Variants in VPS51 observed in about 807,000 individuals in gnomAD.
The protein encoded by VPS51 is vacuolar protein sorting-associated protein 51 homolog.
A neutral mutation model predicts 65.1 loss-of-function variants in VPS51; 55 were observed. The observed-to-expected ratio is 0.84, with a 90% confidence interval of 0.68 to 1.06. The LOEUF (loss-of-function observed/expected upper bound fraction) is 1.06. VPS51 is among the 50% of genes least tolerant of loss of function. The pLI, the probability that VPS51 is intolerant of heterozygous loss-of-function variation, is 0.00. For synonymous variants in VPS51, 473 were observed against 489.5 expected, an observed-to-expected ratio of 0.97 and a Z score of 0.44; for missense variants, 943 against 1,101.6, an observed-to-expected ratio of 0.86 and a Z score of 2.04.
In VPS51 at chr11:65,096,355, G is replaced by T; in HGVS notation, c.105G>T (p.Gly35=). The part of the protein sequence containing the change: ...EAPERRRKAH[G]MLKLYYGLSE... ...CGGAGCGTCGGCGGAAGGCGCACGG[G>T]ATGCTGAAGCTTTACTACGGCCTCT... Residue 35 remains glycine (G), a synonymous_variant, in exon 1 of 10, where the codon GGG becomes GGT. Coordinates refer to ENST00000279281, the MANE Select transcript of VPS51 (RefSeq NM_013265.4). 1 of 1,532,068 alleles carries T rather than the reference G, an allele frequency of 6.5e-7. No homozygotes were observed. 94.9% of individuals were successfully genotyped at this position (1,532,068 alleles called of 1,614,324 possible). A position where few individuals can be genotyped will look rare whatever the true frequency, so the allele number is the denominator to read the frequency against.
At chr11:65,110,901 C>T in intron 9 of VPS51, 120 bp downstream of exon 9, 1 of 1,212,002 alleles carries the variant, frequency 8.3e-7, no homozygotes, top group Non-Finnish European at 1.2e-6. Context: ...CCCTGACCCT[C>T]CAGTCTCTGT....
At chr11:65,096,500 G>A (rs776030997) in intron 1 of VPS51, 22 bp downstream of exon 1, 1 of 1,254,210 alleles carries the variant, frequency 8.0e-7, no homozygotes, top group Non-Finnish European at 1.1e-6. Context: ...CGGGGAGTGG[G>A]GGGGTGCGGG....
At chr11:65,097,203 G>C in intron 2 of VPS51, 76 bp downstream of exon 2, 2 of 1,587,090 alleles carry the variant, frequency 1.3e-6, no homozygotes, top group Non-Finnish European at 1.7e-6. Context: ...AACCAGCAAG[G>C]GATTTAGAGG....
In VPS51 at chr11:65,107,903, C is replaced by T; in HGVS notation, c.606C>T (p.Tyr202=). 6.4e-7 allele frequency: 1 copy of T among 1,552,120 alleles called. No individual in the cohort carries two copies. Among genetic ancestry groups the T allele is most frequent in the African/African-American group, 1.4e-5 (1 of 73,296 alleles). ...GCGCCTATGGGCAGGCGGTGCGCTA[C>T]CAGGGCCGCGCGCAGGCCGTGCTGC... is the stretch of plus-strand genomic sequence containing the variant. ...ELGAYGQAVR[Y]QGRAQAVLQQ... Residue 202 remains tyrosine, a synonymous_variant, in exon 4 of 10, where the codon TAC becomes TAT. Coordinates refer to ENST00000279281, the MANE Select transcript of VPS51 (RefSeq NM_013265.4). This position sits in a 1 kb window ranked among gnomAD's most constrained non-coding sequence, Gnocchi z 4.0.
At position 65,102,699 on chromosome 11, in the gene VPS51, T is replaced by A. The variant is rs1009007666; in HGVS notation, c.359-4882T>A. ...ATTCACTGGGTGAAGACCAAATGCC[T>A]CATCAACTGCCAAGCCTCTGTCTGT... On this transcript the variant is annotated intron_variant, in intron 2 of 9. Transcript: ENST00000279281. 1.8e-4 allele frequency among the ~76,000 whole-genome samples: 28 copies of A among 152,218 alleles called. 1 individual carries two copies. The highest frequency in any genetic ancestry group is 4.1e-4 in the Non-Finnish European group (28 of 68,030).
chr11:65,099,389 A>G (rs1947793094), intron 2 of VPS51, among the ~76,000 whole-genome samples: 1 of 152,196 alleles, frequency 6.6e-6, no homozygotes, highest in Non-Finnish European at 1.5e-5. Context: ...CAGTTTAACT[A>G]GAAACCTTCC....
chr11:65,109,412 C>T lies in VPS51; in HGVS notation c.1576C>T (p.Leu526=). ...TGCCACACCACCTGCCCTGCTCCTG[C>T]TGCTCTCCCGCCTCTGCCTGGACTA... The part of the protein sequence containing the change: ...GGATPPALLL[L]LSRLCLDYET... Residue 526 remains leucine, a synonymous_variant, in exon 6 of 10, where the codon CTG becomes TTG. Coordinates refer to ENST00000279281, the MANE Select transcript of VPS51 (RefSeq NM_013265.4). 1 of 1,611,122 alleles carries T rather than the reference C, an allele frequency of 6.2e-7. No homozygotes were observed. The highest frequency in any genetic ancestry group is 8.5e-7 in the Non-Finnish European group (1 of 1,180,008).
chr11:65,110,657 C>T (rs768574303), intron 8 of VPS51, 37 bp from the exon 9 acceptor site: 2 of 1,614,152 alleles, frequency 1.2e-6, no homozygotes, highest in Non-Finnish European at 1.7e-6. Flanking sequence ...GGCGAGGGTG[C>T]AGGGCGGGCT....
intron 9 of VPS51, 163 bp downstream of exon 9, chr11:65,110,944 C>T (rs1267325248): frequency 6.3e-6 from 5 of 795,272 alleles, no homozygotes; most frequent in East Asian, 2.6e-5. Flanking sequence ...TACAGAGTGC[C>T]CTGCCTCCAA....
In VPS51 at chr11:65,109,500, A is replaced by T; in HGVS notation, c.1659+5A>T. 2 of 1,604,856 alleles carry T rather than the reference A, an allele frequency of 1.2e-6. No homozygotes were observed. The highest frequency in any genetic ancestry group is 1.7e-6 in the Non-Finnish European group (2 of 1,179,906). Reference sequence around the variant, plus strand: ...GATGAACAGTTTCTGGTGCAGGTGAAGCACTAGCTCCTAGCCGGGCAGGGA... The same window carrying T: ...GATGAACAGTTTCTGGTGCAGGTGATGCACTAGCTCCTAGCCGGGCAGGGA... On this transcript the variant is annotated splice_donor_5th_base_variant and intron_variant, in intron 6 of 9. Coordinates refer to ENST00000279281, the MANE Select transcript of VPS51 (RefSeq NM_013265.4).
At chr11:65,099,370 G>A (rs1395069889) in intron 2 of VPS51, among the ~76,000 whole-genome samples, 1 of 152,192 alleles carries the variant, frequency 6.6e-6, no homozygotes, top group Non-Finnish European at 1.5e-5. Flanking sequence ...CAGGCAGATA[G>A]TAGATGTGCA....
intron 2 of VPS51, among the ~76,000 whole-genome samples, chr11:65,103,276 C>A (rs1440793666): frequency 6.6e-6 from 1 of 152,136 alleles, no homozygotes; most frequent in Non-Finnish European, 1.5e-5. Context: ...TTATGATTTC[C>A]CCAACAAAAT....
rs758151868 is a variant in VPS51 at position 65,111,253 on chromosome 11, C to T, written c.2089-74C>T. 1.1e-5 allele frequency: 18 copies of T among 1,592,212 alleles called. No homozygotes were observed. In the East Asian group the frequency reaches 4.0e-4, roughly 36 times the overall value. On this transcript the variant is annotated intron_variant, in intron 9 of 9. Coordinates refer to ENST00000279281, the MANE Select transcript of VPS51 (RefSeq NM_013265.4). ...TACTTCCATCGTATGTCTCCCGGGC[C>T]CCTGCTTGGAACTTGGGTGTCCCCC...
rs377108289 is a variant in VPS51, at chr11:65,111,377, G to A, written c.2139G>A (p.Glu713=). ...IIKISLKTLL[E]CVRLRTFGRF... is the part of the protein sequence containing the mutation. ...AGATCAGCCTGAAGACGCTGCTGGA[G>A]TGTGTGCGGCTGCGCACCTTTGGGC... is the stretch of plus-strand genomic sequence containing the variant. Residue 713 remains glutamate (E), a synonymous_variant, in exon 10 of 10, where the codon GAG becomes GAA. Coordinates refer to ENST00000279281, the MANE Select transcript of VPS51 (RefSeq NM_013265.4). 77 of 1,611,510 alleles carry A rather than the reference G, an allele frequency of 4.8e-5. No individual in the cohort carries two copies. The highest frequency in any genetic ancestry group is 3.2e-5 in the Non-Finnish European group (38 of 1,180,024).
intron 7 of VPS51, 122 bp from the exon 8 acceptor site, chr11:65,110,360 C>G (rs1275158770): frequency 6.5e-7 from 1 of 1,534,890 alleles, no homozygotes; most frequent in Non-Finnish European, 8.9e-7. Context: ...TAGCGGGCCC[C>G]GCGGTGATTA....
chr11:65,107,589 C>A lies in VPS51; in HGVS notation c.367C>A (p.Arg123=). ...NKFISATDTI[R]KMKNDFRKME... ...CGCCCCTGCCCTCCTAGACACCATC[C>A]GGAAGATGAAGAACGATTTCCGGAA... is the stretch of plus-strand genomic sequence containing the variant. The change falls in exon 3 of 10, where the codon CGG becomes AGG. Residue 123 remains arginine, a synonymous_variant. Coordinates refer to ENST00000279281, the MANE Select transcript of VPS51 (RefSeq NM_013265.4). This position sits in a 1 kb window ranked among gnomAD's most constrained non-coding sequence, Gnocchi z 4.0. 6.3e-7 allele frequency: 1 copy of A among 1,588,820 alleles called. No homozygotes were observed. Among genetic ancestry groups the A allele is most frequent in the South Asian group, 1.1e-5 (1 of 89,404 alleles).
chr11:65,111,759 C>T lies in VPS51; in HGVS notation c.*172C>T. ...CGGGGGCGGGGTTTTGAAGCTGAGG[C>T]TTCTGAGGCGCCCGCGTCGGGTCCG... is the stretch of plus-strand genomic sequence containing the variant. On this transcript the variant is annotated 3_prime_UTR_variant, in exon 10 of 10. Coordinates refer to ENST00000279281, the MANE Select transcript of VPS51 (RefSeq NM_013265.4). The T allele has an allele frequency of 1.7e-6, 2 of 1,210,998 alleles. No individual in the cohort carries two copies. The highest frequency in any genetic ancestry group is 1.1e-6 in the Non-Finnish European group (1 of 894,778). The allele number at this position is 1,210,998 out of a possible 1,614,324, so 75.0% of individuals were successfully genotyped here. A position where few individuals can be genotyped will look rare whatever the true frequency, so the allele number is the denominator to read the frequency against.
In VPS51 at chr11:65,096,405, C is replaced by T; in HGVS notation, c.155C>T (p.Pro52Leu). 6.5e-7 allele frequency: 1 copy of T among 1,535,192 alleles called. No individual in the cohort carries two copies. The highest frequency in any genetic ancestry group is 2.5e-5 in the East Asian group (1 of 40,614). ...GLSEGEAAGR[P>L]AGPDPLDPTD... ...TCGGAAGGGGAGGCGGCGGGACGCC[C>T]CGCGGGGCCCGACCCCCTGGACCCG... The change falls in exon 1 of 10, where the codon CCC (proline) becomes CTC (leucine). Residue 52 changes from proline to leucine, a missense_variant. By Grantham distance (98) the Pro-to-Leu change is moderately conservative. Around this residue, in one of 2 missense-constraint regions of VPS51, gnomAD observed 855 missense variants for 953.7 expected, o/e 0.90. Transcript: ENST00000279281.
chr11:65,107,095 A>G lies in VPS51; in HGVS notation c.359-486A>G. 2 of 453,000 alleles carry G rather than the reference A, an allele frequency of 4.4e-6. No homozygotes were observed. The highest frequency in any genetic ancestry group is 4.7e-5 in the Admixed American group (2 of 42,196). 28.1% of individuals were successfully genotyped at this position (453,000 alleles called of 1,614,324 possible). ...GGACCAAAGGGAAAGGGCCCTTCAG[A>G]GAAGACAGCCCATGTTCCGGAAAGC... On this transcript the variant is annotated intron_variant, in intron 2 of 9. Transcript: ENST00000279281. This position sits in a 1 kb window ranked among gnomAD's most constrained non-coding sequence, Gnocchi z 4.0.
Sources: allele counts gnomAD v4.1 joint callset (sites outside exome capture counted in the v4.1 genomes callset), GRCh38; gene constraint gnomAD v4.1.1; regional missense constraint gnomAD v4.1.1; non-coding constraint Gnocchi (gnomAD v3.1); transcripts MANE v1.5; gene names NCBI Gene and HGNC (gene_info 2026-07-23, HGNC 2026-07-21).